The following SLC39A9 variants were observed in gnomAD, a reference collection of about 807,000 sequenced individuals.
SLC39A9 encodes zinc transporter ZIP9.
SLC39A9 carries 14 observed loss-of-function variants against 28.4 expected under a neutral mutation model. The ratio of observed to expected loss-of-function variants is 0.49; its 90% CI spans 0.33 to 0.77. The LOEUF (loss-of-function observed/expected upper bound fraction) is 0.77. Among genes scored for constraint, SLC39A9 ranks in the 30% least tolerant of loss-of-function variants. The pLI, the probability that SLC39A9 is intolerant of heterozygous loss-of-function variation, is 0.02. For synonymous variants in SLC39A9, 119 were observed against 149.6 expected (o/e 0.80, Z 1.49); for missense variants, 283 against 381.1 (o/e 0.74, Z 2.14).
intron 3 of SLC39A9, among the ~76,000 whole-genome samples, chr14:69,446,946 ATAGAGAGAGAGAGAGAGAGAGC>A: frequency 8.3e-6 from 1 of 120,128 alleles, no homozygotes; most frequent in East Asian, 2.1e-4. Context: ...ATATATATAT[ATAGAGAGAGAGAGAGAGAGAGC>A]GAGAGAGAGA....
In SLC39A9 at chr14:69,453,547, A is replaced by G. The variant is rs1459782448; in HGVS notation, c.472+238A>G. ...TAAAAAAAAAAAGAGAGAGAGGAAC[A>G]TACTGTAGCACATGAGAATTATATA... is the stretch of plus-strand genomic sequence containing the variant. On this transcript the variant is annotated intron_variant, in intron 4 of 6. Transcript: ENST00000336643. Among the ~76,000 whole-genome samples, 4 of 152,194 alleles carry G rather than the reference A, an allele frequency of 2.6e-5. No homozygotes were observed. The East Asian group carries it at 7.7e-4, about 29-fold the overall frequency.
chr14:69,424,121 G>T lies in SLC39A9; in HGVS notation c.124G>T (p.Gly42Cys), dbSNP rs767324038. ...ACGACTGAAGCTGGTGACTGTTTTG[G>T]GTGCTGGCCTTCTCTGTGGAACTGC... is the stretch of plus-strand genomic sequence containing the variant. ...EERLKLVTVL[G>C]AGLLCGTALA... Residue 42 changes from glycine to cysteine, a missense_variant, in exon 2 of 7, where the codon GGT (glycine) becomes TGT (cysteine). By Grantham distance (159) the Gly-to-Cys change is radical (BLOSUM62 -3). Transcript: ENST00000336643. 1 of 1,613,798 alleles carries T rather than the reference G, an allele frequency of 6.2e-7. No homozygotes were observed. The highest frequency in any genetic ancestry group is 8.5e-7 in the Non-Finnish European group (1 of 1,179,820).
intron 1 of SLC39A9, among the ~76,000 whole-genome samples, chr14:69,404,771 T>C (rs1219438511): frequency 6.6e-6 from 1 of 152,234 alleles, no homozygotes; most frequent in Non-Finnish European, 1.5e-5. Flanking sequence ...CTATTTTTCT[T>C]AGTATTTAAC....
chr14:69,411,376 TAGAGTGC>T (rs1420750577), intron 1 of SLC39A9, among the ~76,000 whole-genome samples: 1 of 152,224 alleles, frequency 6.6e-6, no homozygotes, highest in Non-Finnish European at 1.5e-5. Context: ...GTTAACGGCA[TAGAGTGC>T]AAGCTGTTGT....
chr14:69,455,999 G>T, intron 6 of SLC39A9, 133 bp downstream of exon 6: 1 of 1,037,530 alleles, frequency 9.6e-7, no homozygotes, highest in Admixed American at 2.8e-5. Flanking sequence ...AAACTATACA[G>T]GGTAAATATC....
rs114667962 is a variant in SLC39A9, at chr14:69,412,791, T to C, written c.97-11303T>C. Among the ~76,000 whole-genome samples the C allele has an allele frequency of 2.3e-3, 344 of 152,278 alleles. 2 individuals are homozygous for C. Among genetic ancestry groups the C allele is most frequent in the African/African-American group, 8.0e-3 (331 of 41,548 alleles). On this transcript the variant is annotated intron_variant, in intron 1 of 6. Coordinates refer to ENST00000336643, the MANE Select transcript of SLC39A9 (RefSeq NM_018375.5). ...GGGTTACAGGGACAAACAGTAAACA[T>C]AGTGTTGAGTGGATATTTAACTTCA...
At chr14:69,440,811 T>C (rs55708330) in intron 2 of SLC39A9, among the ~76,000 whole-genome samples, 15,685 of 152,088 alleles carry the variant, frequency 0.1, 1,030 homozygotes, top group South Asian at 0.18. Flanking sequence ...GTAGCTGGGA[T>C]TACAGGCACG....
intron 3 of SLC39A9, among the ~76,000 whole-genome samples, chr14:69,443,837 C>T (rs1273924512): frequency 6.6e-6 from 1 of 151,924 alleles, no homozygotes; most frequent in Non-Finnish European, 1.5e-5. Flanking sequence ...CCACTGCACT[C>T]CAGCCTGGGT....
intron 1 of SLC39A9, among the ~76,000 whole-genome samples, chr14:69,422,936 A>G (rs1883979056): frequency 6.6e-6 from 1 of 152,200 alleles, no homozygotes; most frequent in Non-Finnish European, 1.5e-5. Context: ...ATCTTTTTGT[A>G]TGACAAGAGG....
At chr14:69,448,041 C>T (rs1409199813) in intron 3 of SLC39A9, among the ~76,000 whole-genome samples, 29 of 151,556 alleles carry the variant, frequency 1.9e-4, no homozygotes, top group Admixed American at 1.8e-3. Flanking sequence ...GGTGAAACCT[C>T]GTCTCTACTA....
In SLC39A9 at chr14:69,458,549, G is replaced by A. The variant is rs1381223348; in HGVS notation, c.880G>A (p.Gly294Ser). 6.2e-7 allele frequency: 1 copy of A among 1,614,072 alleles called. No homozygotes were observed. Among genetic ancestry groups the A allele is most frequent in the Admixed American group, 1.7e-5 (1 of 60,012 alleles). ...SRLEVAALVL[G>S]CLIPLILSVG... The stretch of plus-strand genomic sequence containing the variant: ...CCTGGAAGTGGCAGCCCTGGTTCTG[G>A]GTTGCCTCATCCCTCTCATCCTGTC... Residue 294 changes from glycine (G) to serine (S), a missense_variant, in exon 7 of 7, where the codon GGT becomes AGT. By Grantham distance (56) the Gly-to-Ser change is moderately conservative. Coordinates refer to ENST00000336643, the MANE Select transcript of SLC39A9 (RefSeq NM_018375.5).
chr14:69,434,547 G>A (rs1407937074), intron 2 of SLC39A9, among the ~76,000 whole-genome samples: 2 of 151,950 alleles, frequency 1.3e-5, no homozygotes, highest in Non-Finnish European at 2.9e-5. Context: ...AATTAGGTGG[G>A]CGCAGTGACT....
intron 6 of SLC39A9, 31 bp from the exon 7 acceptor site, chr14:69,458,332 G>T: frequency 6.2e-7 from 1 of 1,608,880 alleles, no homozygotes; most frequent in Non-Finnish European, 8.5e-7. Context: ...ACTTGACTTA[G>T]TTTTTCCTCT....
At chr14:69,421,293 C>T (rs1883876906) in intron 1 of SLC39A9, among the ~76,000 whole-genome samples, 1 of 152,262 alleles carries the variant, frequency 6.6e-6, no homozygotes, top group Non-Finnish European at 1.5e-5. Context: ...TGGAGGTCCA[C>T]TCCAGATGCT....
At chr14:69,457,922 G>A (rs1241745386) in intron 6 of SLC39A9, among the ~76,000 whole-genome samples, 1 of 152,148 alleles carries the variant, frequency 6.6e-6, no homozygotes, top group African/African-American at 2.4e-5. Context: ...GTCAATGAAT[G>A]GATGGACAGA....
chr14:69,452,821 C>T (rs1885676673), intron 3 of SLC39A9, among the ~76,000 whole-genome samples: 1 of 152,024 alleles, frequency 6.6e-6, no homozygotes, highest in African/African-American at 2.4e-5. Context: ...AAGAGATAGA[C>T]AATGACAATT....
chr14:69,445,641 T>C (rs1313613984), intron 3 of SLC39A9, among the ~76,000 whole-genome samples: 1 of 152,104 alleles, frequency 6.6e-6, no homozygotes, highest in Admixed American at 6.6e-5. Flanking sequence ...GTCAAGTGTA[T>C]CTACTTACCT....
rs1882497644 is a variant in SLC39A9 at position 69,399,437 on chromosome 14, T to A, written c.68T>A (p.Ile23Asn). Residue 23 changes from isoleucine (I) to asparagine (N), a missense_variant, in exon 1 of 7, where the codon ATC (isoleucine) becomes AAC (asparagine). By Grantham distance (149) the Ile-to-Asn change is moderately radical. Coordinates refer to ENST00000336643, the MANE Select transcript of SLC39A9 (RefSeq NM_018375.5). ...AMLVGCYVAG[I>N]IPLAVNFSEE... ...TTGGTGGGATGTTACGTGGCCGGAATCATTCCCTTGGCTGTTAATTTCTCA... is the reference window on the plus strand; with the variant it reads ...TTGGTGGGATGTTACGTGGCCGGAAACATTCCCTTGGCTGTTAATTTCTCA... 1 of 1,614,130 alleles carries A rather than the reference T, an allele frequency of 6.2e-7. No individual in the cohort carries two copies. The highest frequency in any genetic ancestry group is 1.1e-5 in the South Asian group (1 of 91,062).
intron 1 of SLC39A9, among the ~76,000 whole-genome samples, chr14:69,400,349 G>A (rs1882563645): frequency 1.3e-5 from 2 of 152,298 alleles, no homozygotes; most frequent in South Asian, 2.1e-4. Flanking sequence ...AATTTGATTG[G>A]CACCTTGAAC....
Sources: allele counts gnomAD v4.1 joint callset (sites outside exome capture counted in the v4.1 genomes callset), GRCh38; gene constraint gnomAD v4.1.1; transcripts MANE v1.5; gene names NCBI Gene and HGNC (gene_info 2026-07-23, HGNC 2026-07-21).